The following PTPRD variants were observed in gnomAD, a reference collection of about 807,000 sequenced individuals.
PTPRD encodes protein tyrosine phosphatase receptor type D, also known as receptor-type tyrosine-protein phosphatase delta.
In PTPRD, 34 loss-of-function variants were observed where a neutral mutation model predicts 214.5. The ratio of observed to expected loss-of-function variants is 0.16; its 90% CI spans 0.12 to 0.21. The LOEUF is 0.21. Among genes scored for constraint, PTPRD ranks in the 10% least tolerant of loss-of-function variants. The pLI is 1.00. For synonymous variants in PTPRD, 1,128 were observed against 845.7 expected, an observed-to-expected ratio of 1.33 and a Z score of -5.79; for missense variants, 2,545 against 2,398.7, an observed-to-expected ratio of 1.06 and a Z score of -1.27.
chr9:9,812,046 C>A (rs1310521604), intron 5 of PTPRD, among the ~76,000 whole-genome samples: 1 of 152,174 alleles, frequency 6.6e-6, no homozygotes, highest in African/African-American at 2.4e-5. Context: ...AGGCAAGACG[C>A]TTCATAAGCA....
At chr9:8,965,166 T>G (rs1409330903) in intron 11 of PTPRD, among the ~76,000 whole-genome samples, 4 of 151,930 alleles carry the variant, frequency 2.6e-5, no homozygotes, top group Non-Finnish European at 4.4e-5. Flanking sequence ...TTACCTGAGG[T>G]CAGGAGTTCG....
chr9:10,558,262 T>C (rs1318078317), intron 2 of PTPRD, among the ~76,000 whole-genome samples: 1 of 152,184 alleles, frequency 6.6e-6, no homozygotes, highest in Non-Finnish European at 1.5e-5. Context: ...TCACCATTTA[T>C]CTTAAATTGT....
At chr9:10,158,886 C>A (rs1330556019) in intron 3 of PTPRD, among the ~76,000 whole-genome samples, 1 of 152,060 alleles carries the variant, frequency 6.6e-6, no homozygotes, top group Non-Finnish European at 1.5e-5. Context: ...CTAAGGATAT[C>A]CAGAGACAAT....
intron 12 of PTPRD, among the ~76,000 whole-genome samples, chr9:8,686,803 G>T (rs987504806): frequency 2.0e-5 from 3 of 152,264 alleles, no homozygotes; most frequent in African/African-American, 4.8e-5. Flanking sequence ...AAGTTTTGAC[G>T]CATTTAAAGC....
At chr9:8,353,074 G>A (rs1262046290) in intron 39 of PTPRD, among the ~76,000 whole-genome samples, 1 of 152,074 alleles carries the variant, frequency 6.6e-6, no homozygotes. Context: ...TCACACCACT[G>A]CACTCCAGCC....
intron 7 of PTPRD, among the ~76,000 whole-genome samples, chr9:9,702,248 AGG>A (rs2097521489): frequency 6.6e-6 from 1 of 152,204 alleles, no homozygotes; most frequent in Non-Finnish European, 1.5e-5. Flanking sequence ...ACTTAGGGAG[AGG>A]GTGCATAAAA....
At chr9:8,678,148 C>G (rs1350322341) in intron 12 of PTPRD, among the ~76,000 whole-genome samples, 3 of 152,126 alleles carry the variant, frequency 2.0e-5, no homozygotes, top group Non-Finnish European at 4.4e-5. Context: ...CATTAAACAT[C>G]CAGAAAACTG....
chr9:9,301,787 G>C (rs1408698053), intron 9 of PTPRD, among the ~76,000 whole-genome samples: 1 of 151,822 alleles, frequency 6.6e-6, no homozygotes, highest in Non-Finnish European at 1.5e-5. Context: ...TTGCTGTAAT[G>C]GGTCCTAAAA....
intron 2 of PTPRD, among the ~76,000 whole-genome samples, chr9:10,529,490 G>A (rs1331447271): frequency 2.0e-5 from 3 of 147,762 alleles, no homozygotes; most frequent in Non-Finnish European, 1.5e-5. Flanking sequence ...AGCACTGCAT[G>A]TTCTCACTCA....
chr9:9,474,242 T>G (rs1028147212), intron 8 of PTPRD, among the ~76,000 whole-genome samples: 1 of 152,120 alleles, frequency 6.6e-6, no homozygotes, highest in South Asian at 2.1e-4. Flanking sequence ...TCTTGGTACC[T>G]CTATAGAAAA....
intron 2 of PTPRD, among the ~76,000 whole-genome samples, chr9:10,412,091 G>A (rs980126352): frequency 6.6e-6 from 1 of 151,682 alleles, no homozygotes; most frequent in Admixed American, 6.6e-5. Context: ...TGTAAACTCT[G>A]CAGTGCATTA....
intron 8 of PTPRD, among the ~76,000 whole-genome samples, chr9:9,476,977 C>T (rs539452954): frequency 9.2e-5 from 14 of 152,126 alleles, no homozygotes; most frequent in South Asian, 6.2e-4. Flanking sequence ...TCAGGTGATC[C>T]GCCTGCCTCA....
At chr9:9,589,890 G>A (rs887634606) in intron 7 of PTPRD, among the ~76,000 whole-genome samples, 4 of 151,852 alleles carry the variant, frequency 2.6e-5, no homozygotes, top group Non-Finnish European at 5.9e-5. Flanking sequence ...GGGGCTTGTG[G>A]GAGAAGATGC....
At chr9:9,212,381 C>T (rs143025272) in intron 9 of PTPRD, among the ~76,000 whole-genome samples, 3 of 152,240 alleles carry the variant, frequency 2.0e-5, no homozygotes, top group African/African-American at 7.2e-5. Flanking sequence ...TTCTTTTAAG[C>T]TAGCTTTTAG....
chr9:8,421,370 T>TTCTCTTCTCTTCTCTTC (rs141962478), intron 35 of PTPRD, among the ~76,000 whole-genome samples: 1,636 of 146,746 alleles, frequency 0.011, 24 homozygotes, highest in African/African-American at 0.036. Flanking sequence ...TTCTCTTCTC[T>TTCTCTTCTCTTCTCTTC]TCTCTCTCTC....
intron 7 of PTPRD, among the ~76,000 whole-genome samples, chr9:9,732,734 C>T (rs1244087040): frequency 6.6e-6 from 1 of 151,964 alleles, no homozygotes; most frequent in Non-Finnish European, 1.5e-5. Context: ...GAAGGCTAAC[C>T]CTCATTCTCA....
intron 9 of PTPRD, among the ~76,000 whole-genome samples, chr9:9,351,929 G>A (rs1292492492): frequency 6.6e-6 from 1 of 151,944 alleles, no homozygotes; most frequent in Admixed American, 6.6e-5. Flanking sequence ...CTGGAACACA[G>A]TAAGAGCTTC....
At chr9:9,543,874 A>C (rs535224496) in intron 8 of PTPRD, among the ~76,000 whole-genome samples, 3 of 151,792 alleles carry the variant, frequency 2.0e-5, no homozygotes, top group African/African-American at 7.2e-5. Flanking sequence ...TGTTAAAACA[A>C]TTTGTGTTTA....
intron 11 of PTPRD, among the ~76,000 whole-genome samples, chr9:8,987,707 G>A (rs2099351237): frequency 1.3e-5 from 2 of 152,078 alleles, no homozygotes; most frequent in African/African-American, 4.8e-5. Flanking sequence ...AACACGGGTA[G>A]CACCACATCA....
Sources: gnomAD v4.1 joint callset for allele counts (sites outside exome capture counted in the v4.1 genomes callset) on GRCh38, gnomAD v4.1.1 for gene constraint, MANE v1.5 for transcripts, NCBI Gene and HGNC (gene_info 2026-07-23, HGNC 2026-07-21) for gene names.